Variants in TSEN15 observed in about 807,000 individuals in gnomAD.
TSEN15 encodes the protein tRNA-splicing endonuclease subunit Sen15.
A neutral mutation model predicts 20.5 loss-of-function variants in TSEN15; 10 were observed. The ratio of observed to expected loss-of-function variants is 0.49; its 90% CI spans 0.30 to 0.83. TSEN15 has a LOEUF of 0.83. Among genes scored for constraint, TSEN15 ranks in the 40% least tolerant of loss-of-function variants. TSEN15 has a pLI of 0.06. For missense variants in TSEN15, 180 were observed against 218.6 expected (o/e 0.82, Z 1.11); for synonymous variants, 72 against 80.1 (o/e 0.90, Z 0.54).
downstream of TSEN15, among the ~76,000 whole-genome samples, chr1:184,078,139 C>A (rs1651099438): frequency 6.6e-6 from 1 of 152,098 alleles, no homozygotes. Flanking sequence ...CCACCGCAAC[C>A]TTCAGCAACC....
At chr1:184,068,286 C>G (rs1214082015) in intron 3 of TSEN15, among the ~76,000 whole-genome samples, 1 of 152,046 alleles carries the variant, frequency 6.6e-6, no homozygotes, top group Non-Finnish European at 1.5e-5. Flanking sequence ...TATTATTTCC[C>G]TGTAATTGAA....
Position 184,060,720 on chromosome 1 carries a change from C to T in TSEN15, c.353+5857C>T, listed in dbSNP as rs140716838. Reference sequence around the variant, plus strand: ...AAAGCTGAGGTTAAAAGTATATTTTCATTTGTACCCCCACTTTTTCCAAAA... The same window carrying T: ...AAAGCTGAGGTTAAAAGTATATTTTTATTTGTACCCCCACTTTTTCCAAAA... On this transcript the variant is annotated intron_variant, in intron 3 of 4. Coordinates refer to ENST00000645668, the MANE Select transcript of TSEN15 (RefSeq NM_052965.4). Among the ~76,000 whole-genome samples the T allele has an allele frequency of 3.1e-3, 470 of 152,260 alleles. 2 individuals are homozygous for T. Among genetic ancestry groups the T allele is most frequent in the African/African-American group, 7.4e-3 (306 of 41,568 alleles).
At chr1:184,090,068 C>T (rs573093874) in intron 3 of TSEN15, among the ~76,000 whole-genome samples, 1 of 152,246 alleles carries the variant, frequency 6.6e-6, no homozygotes, top group Non-Finnish European at 1.5e-5. Context: ...CTAGAAATAA[C>T]CTGAATATTC....
chr1:184,051,942 G>T, intron 1 of TSEN15, 52 bp downstream of exon 1: 1 of 1,451,210 alleles, frequency 6.9e-7, no homozygotes, highest in Non-Finnish European at 9.1e-7. Context: ...AACCCAGGCA[G>T]AACACTCCCA....
intron 3 of TSEN15, among the ~76,000 whole-genome samples, chr1:184,069,076 C>G (rs1650791865): frequency 6.6e-6 from 1 of 152,124 alleles, no homozygotes; most frequent in Non-Finnish European, 1.5e-5. Context: ...ATAGCTTGGA[C>G]TAAAGGTATT....
chr1:184,051,831 G>T lies in TSEN15; in HGVS notation c.76G>T (p.Asp26Tyr), dbSNP rs1020949674. The stretch of plus-strand genomic sequence containing the variant: ...TCCGGGCGGTGTTCGCGGCTTTGGC[G>T]ACGGCGGTGGAGCTCCTTCGTGGGC... ...LGPGGVRGFG[D>Y]GGGAPSWAPE... Residue 26 changes from aspartate (D) to tyrosine (Y), a missense_variant, in exon 1 of 5, where the codon GAC becomes TAC. Physicochemically the swap from Asp to Tyr is radical, Grantham distance 160. This residue lies in a region of TSEN15 where 76 missense variants were observed against 66.5 expected (regional missense o/e 1.14). Coordinates refer to ENST00000645668, the MANE Select transcript of TSEN15 (RefSeq NM_052965.4). 8.4e-6 allele frequency: 13 copies of T among 1,547,238 alleles called. No individual in the cohort carries two copies. In the African/African-American group the frequency reaches 1.5e-4, roughly 18 times the overall value.
intron 3 of TSEN15, among the ~76,000 whole-genome samples, chr1:184,071,811 A>G (rs1650893313): frequency 6.6e-6 from 1 of 151,990 alleles, no homozygotes; most frequent in Non-Finnish European, 1.5e-5. Context: ...TTGAATAAAC[A>G]CTCAAAAGGG....
chr1:184,051,902 C>A lies in TSEN15; in HGVS notation c.135+12C>A. ...GCACTCACCCTAAGGTCAGGAGGCG[C>A]GAGAGGAGCAGGGCGCCGTCCAGGC... On this transcript the variant is annotated intron_variant, in intron 1 of 4. Transcript: ENST00000645668. The A allele has an allele frequency of 6.5e-7, 1 of 1,528,064 alleles. No homozygotes were observed. The highest frequency in any genetic ancestry group is 8.8e-7 in the Non-Finnish European group (1 of 1,135,220). 94.7% of individuals were successfully genotyped at this position (1,528,064 alleles called of 1,614,324 possible).
downstream of TSEN15, among the ~76,000 whole-genome samples, chr1:184,079,188 A>G (rs956465079): frequency 1.3e-5 from 2 of 152,152 alleles, no homozygotes; most frequent in Admixed American, 6.6e-5. Flanking sequence ...GGAAAAATCA[A>G]ATGTCTAGTA....
chr1:184,072,634 C>G (rs145403047), intron 4 of TSEN15, 193 bp from the exon 5 acceptor site: 1 of 613,190 alleles, frequency 1.6e-6, no homozygotes, highest in African/African-American at 1.9e-5. Context: ...AGTAAAAAAA[C>G]GCTTATTTAA....
At chr1:184,085,816 GTCAGTACTAGTCAAGT>G (rs1313220649) in intron 3 of TSEN15, among the ~76,000 whole-genome samples, 9 of 152,280 alleles carry the variant, frequency 5.9e-5, no homozygotes, top group Admixed American at 1.3e-4. Context: ...TGACCCAGGA[GTCAGTACTAGTCAAGT>G]TCAGTACTAG....
At chr1:184,072,372 A>G (rs1650917968) in intron 4 of TSEN15, 74 bp downstream of exon 4, 1 of 1,369,898 alleles carries the variant, frequency 7.3e-7, no homozygotes, top group Non-Finnish European at 9.8e-7. Flanking sequence ...GTGTGACTCA[A>G]GTCAGTCACA....
chr1:184,061,120 G>A (rs1451499841), intron 3 of TSEN15, among the ~76,000 whole-genome samples: 1 of 152,100 alleles, frequency 6.6e-6, no homozygotes, highest in Non-Finnish European at 1.5e-5. Context: ...ACTCAAGAAA[G>A]AATGTTGGAA....
chr1:184,095,755 G>A, exon 4 of TSEN15: 1 of 398,532 alleles, frequency 2.5e-6, no homozygotes, highest in Non-Finnish European at 4.4e-6. Context: ...GCCAAGAAGA[G>A]AGGCCTCATC....
At chr1:184,077,383 A>G (rs1327716815), downstream of TSEN15, among the ~76,000 whole-genome samples, 3 of 152,288 alleles carry the variant, frequency 2.0e-5, no homozygotes, top group Middle Eastern at 3.4e-3. Context: ...TTCTTTCAAA[A>G]TATTACTGTT....
At chr1:184,082,348 T>G (rs1370668483) in intron 3 of TSEN15, among the ~76,000 whole-genome samples, 1 of 152,096 alleles carries the variant, frequency 6.6e-6, no homozygotes, top group African/African-American at 2.4e-5. Flanking sequence ...CAGGGACATG[T>G]TGGGGAACTT....
rs1318988911 is a variant in TSEN15 at position 184,051,897 on chromosome 1, A to G, written c.135+7A>G. ...GATGGGCACTCACCCTAAGGTCAGGAGGCGCGAGAGGAGCAGGGCGCCGTC... is the reference window on the plus strand; with the variant it reads ...GATGGGCACTCACCCTAAGGTCAGGGGGCGCGAGAGGAGCAGGGCGCCGTC... On this transcript the variant is annotated splice_region_variant and intron_variant, in intron 1 of 4. Transcript: ENST00000645668. 6.5e-7 allele frequency: 1 copy of G among 1,532,388 alleles called. No homozygotes were observed. The highest frequency in any genetic ancestry group is 8.8e-7 in the Non-Finnish European group (1 of 1,137,594). The allele number at this position is 1,532,388 out of a possible 1,614,324, so 94.9% of individuals were successfully genotyped here.
downstream of TSEN15, among the ~76,000 whole-genome samples, chr1:184,077,485 C>T (rs1307330311): frequency 1.3e-5 from 2 of 152,136 alleles, no homozygotes; most frequent in Admixed American, 6.6e-5. Flanking sequence ...ATTATCCATT[C>T]AGTAAGGTCA....
intron 3 of TSEN15, among the ~76,000 whole-genome samples, chr1:184,081,850 A>G (rs1651174643): frequency 6.6e-6 from 1 of 152,114 alleles, no homozygotes; most frequent in East Asian, 1.9e-4. Flanking sequence ...TCTTGTATGG[A>G]TCAGAAACCT....
Sources: allele counts gnomAD v4.1 joint callset (sites outside exome capture counted in the v4.1 genomes callset), GRCh38; gene constraint gnomAD v4.1.1; regional missense constraint gnomAD v4.1.1; transcripts MANE v1.5; gene names NCBI Gene and HGNC (gene_info 2026-07-23, HGNC 2026-07-21).